Variants in TBL1Y observed in about 807,000 individuals in gnomAD.
TBL1Y encodes transducin beta like 1 Y-linked.
In TBL1Y, 15 loss-of-function variants were observed where a neutral mutation model predicts 12.0. The observed-to-expected ratio is 1.25, with a 90% CI of 0.83 to 1.92. The LOEUF (loss-of-function observed/expected upper bound fraction) is 1.92. Ranked by LOEUF, TBL1Y falls within the 40% of genes most tolerant of loss-of-function variation. The pLI, the probability that TBL1Y is intolerant of heterozygous loss-of-function variation, is 0.00. For synonymous variants in TBL1Y, 53 were observed against 42.6 expected, an observed-to-expected ratio of 1.24 and a Z score of -0.95; for missense variants, 148 against 116.7, an observed-to-expected ratio of 1.27 and a Z score of -1.24.
At chrY:7,034,084 A>G (rs2012672742) in intron 6 of TBL1Y, among the ~76,000 whole-genome samples, 1 of 33,317 alleles carries the variant, frequency 3.0e-5, no homozygotes, top group Non-Finnish European at 7.4e-5. Context: ...AAAAAACCCC[A>G]TTGTCTCAGC....
intron 12 of TBL1Y, among the ~76,000 whole-genome samples, chrY:7,073,467 CTCTG>C (rs2013045686): frequency 3.0e-5 from 1 of 33,167 alleles, no homozygotes; most frequent in Non-Finnish European, 7.4e-5. Flanking sequence ...CTCTCTCTCT[CTCTG>C]TCTCTCGTTA....
intron 2 of TBL1Y, among the ~76,000 whole-genome samples, chrY:6,932,462 T>G (rs2011871534): frequency 2.9e-5 from 1 of 33,912 alleles, no homozygotes; most frequent in Non-Finnish European, 7.3e-5. Context: ...TAATCTAGTT[T>G]TAGAACATTT....
At position 7,043,099 on chromosome Y, in the gene TBL1Y, G is replaced by A. The variant is rs1390193339; in HGVS notation, c.178G>A (p.Val60Ile). The A allele has an allele frequency of 3.8e-5, 15 of 396,487 alleles. No homozygotes were observed. The highest frequency in any genetic ancestry group is 5.3e-5 in the Non-Finnish European group (15 of 283,200). ...CATTCTCCAGAAGGGACTGCAGTAT[G>A]TAGAGGCTGAGATAAGCATCAACAA... ...ISILQKGLQY[V>I]EAEISINKDG... Residue 60 changes from valine (V) to isoleucine (I), a missense_variant, in exon 7 of 19, where the codon GTA becomes ATA. By Grantham distance (29) the Val-to-Ile change is conservative (BLOSUM62 3). Transcript: ENST00000383032.
chrY:7,068,425 T>G, intron 8 of TBL1Y, among the ~76,000 whole-genome samples: 1 of 33,126 alleles, frequency 3.0e-5, no homozygotes, highest in Non-Finnish European at 7.4e-5. Flanking sequence ...GACATACATG[T>G]GCCTTGCCCA....
At chrY:7,086,212 A>G in intron 15 of TBL1Y, 78 bp from the exon 16 acceptor site, 1 of 375,181 alleles carries the variant, frequency 2.7e-6, no homozygotes, top group Non-Finnish European at 3.8e-6. Flanking sequence ...TCACTTATGC[A>G]CCCCGGAGGA....
intron 2 of TBL1Y, among the ~76,000 whole-genome samples, chrY:6,940,418 A>G (rs921427785): frequency 3.1e-5 from 1 of 31,883 alleles, no homozygotes; most frequent in African/African-American, 1.2e-4. Context: ...CTTGAACTCT[A>G]TGGCTCAAAT....
intron 2 of TBL1Y, among the ~76,000 whole-genome samples, chrY:6,946,513 C>T (rs2124107002): frequency 3.0e-5 from 1 of 33,288 alleles, no homozygotes; most frequent in South Asian, 6.8e-4. Flanking sequence ...AACTGGAGTG[C>T]AATGGCGTGA....
intron 7 of TBL1Y, among the ~76,000 whole-genome samples, chrY:7,062,338 T>G: frequency 2.9e-5 from 1 of 34,232 alleles, no homozygotes; most frequent in African/African-American, 1.1e-4. Flanking sequence ...AGCATTAACG[T>G]GTCAGATTAG....
At chrY:6,921,890 A>G (rs2011781300) in intron 2 of TBL1Y, among the ~76,000 whole-genome samples, 1 of 33,405 alleles carries the variant, frequency 3.0e-5, no homozygotes, top group African/African-American at 1.2e-4. Context: ...CTGGAGGGCA[A>G]TGGTGCTGTG....
At chrY:7,030,385 G>A in intron 6 of TBL1Y, among the ~76,000 whole-genome samples, 1 of 33,656 alleles carries the variant, frequency 3.0e-5, no homozygotes, top group African/African-American at 1.2e-4. Flanking sequence ...CGTGAATGTC[G>A]CCCAGGTCTG....
intron 13 of TBL1Y, among the ~76,000 whole-genome samples, chrY:7,080,036 C>T: frequency 4.3e-5 from 1 of 23,121 alleles, no homozygotes; most frequent in Non-Finnish European, 9.4e-5. Flanking sequence ...ACTGTGATCA[C>T]ACACGGGACT....
chrY:7,037,162 G>A, intron 6 of TBL1Y, among the ~76,000 whole-genome samples: 1 of 32,896 alleles, frequency 3.0e-5, no homozygotes, highest in South Asian at 7.2e-4. Context: ...GAGGCAGGGC[G>A]TCTAGGAGGG....
At chrY:6,958,903 C>G in intron 2 of TBL1Y, among the ~76,000 whole-genome samples, 2 of 33,826 alleles carry the variant, frequency 5.9e-5, no homozygotes, top group Admixed American at 5.3e-4. Context: ...GGGCAGGCAG[C>G]AGACAGTGGC....
chrY:6,971,279 T>C, intron 2 of TBL1Y, among the ~76,000 whole-genome samples: 1 of 33,848 alleles, frequency 3.0e-5, no homozygotes, highest in South Asian at 6.6e-4. Context: ...CTTTATATTT[T>C]ACTTGTCTAG....
chrY:7,065,487 A>G (rs2012975924), intron 8 of TBL1Y, among the ~76,000 whole-genome samples: 1 of 33,719 alleles, frequency 3.0e-5, no homozygotes, highest in East Asian at 7.8e-4. Context: ...GACAATTACA[A>G]CAGTCTTACA....
intron 3 of TBL1Y, among the ~76,000 whole-genome samples, chrY:6,989,022 G>A: frequency 3.0e-5 from 1 of 32,990 alleles, no homozygotes; most frequent in South Asian, 7.1e-4. Context: ...AGATCACGAC[G>A]TCATGGCTAA....
chrY:6,936,863 G>T, intron 2 of TBL1Y, among the ~76,000 whole-genome samples: 1 of 32,998 alleles, frequency 3.0e-5, no homozygotes. Flanking sequence ...TTTTTAGGAT[G>T]GTTAAATTTT....
intron 14 of TBL1Y, among the ~76,000 whole-genome samples, chrY:7,081,320 G>C (rs747829273): frequency 3.3e-4 from 11 of 33,381 alleles, no homozygotes; most frequent in African/African-American, 1.3e-3. Flanking sequence ...ACAAAACCCT[G>C]TCTCTGCAAA....
At chrY:6,956,751 G>A (rs2012072039) in intron 2 of TBL1Y, among the ~76,000 whole-genome samples, 2 of 33,129 alleles carry the variant, frequency 6.0e-5, no homozygotes, top group Non-Finnish European at 1.5e-4. Flanking sequence ...TGAGGAACAA[G>A]GGTGGACTTC....
Sources: allele counts gnomAD v4.1 joint callset (sites outside exome capture counted in the v4.1 genomes callset), GRCh38; gene constraint gnomAD v4.1.1; transcripts MANE v1.5; gene names NCBI Gene and HGNC (gene_info 2026-07-23, HGNC 2026-07-21).